The following SGCD variants were observed in gnomAD, a reference collection of about 807,000 sequenced individuals.
The protein encoded by SGCD is sarcoglycan delta.
In SGCD, 18 loss-of-function variants were observed where a neutral mutation model predicts 36.6. The observed-to-expected ratio is 0.49, with a 90% CI of 0.34 to 0.73. The LOEUF is 0.73. Among genes scored for constraint, SGCD ranks in the 30% least tolerant of loss-of-function variants. The pLI, the probability that SGCD is intolerant of heterozygous loss-of-function variation, is 0.01. For missense variants in SGCD, 387 were observed against 346.7 expected (o/e 1.12, Z -0.92); for synonymous variants, 133 against 130.6 (o/e 1.02, Z -0.12).
At chr5:156,017,830 C>T (rs1355132303) in intron 1 of SGCD, among the ~76,000 whole-genome samples, 1 of 151,818 alleles carries the variant, frequency 6.6e-6, no homozygotes, top group East Asian at 1.9e-4. Flanking sequence ...AAAAAAGAAC[C>T]ATCATCTCCT....
chr5:156,317,764 G>A (rs1454560581), intron 3 of SGCD, among the ~76,000 whole-genome samples: 1 of 152,178 alleles, frequency 6.6e-6, no homozygotes, highest in Non-Finnish European at 1.5e-5. Flanking sequence ...TTGAGCTCAA[G>A]TACTGCTGTG....
At chr5:156,620,494 G>A (rs1001081987) in intron 6 of SGCD, among the ~76,000 whole-genome samples, 2 of 152,232 alleles carry the variant, frequency 1.3e-5, no homozygotes, top group African/African-American at 4.8e-5. Flanking sequence ...ACTTGGACAT[G>A]CTGAGAGGAT....
the SGCD span, among the ~76,000 whole-genome samples, chr5:155,740,892 C>A: frequency 1.3e-5 from 2 of 152,160 alleles, no homozygotes; most frequent in African/African-American, 2.4e-5. Flanking sequence ...GACATTTATT[C>A]TGAGCCAAAT....
At chr5:156,558,749 A>G (rs532424954) in intron 4 of SGCD, among the ~76,000 whole-genome samples, 2 of 152,272 alleles carry the variant, frequency 1.3e-5, no homozygotes, top group East Asian at 1.9e-4. Context: ...AGTGAATAAG[A>G]TGATACTGTG....
intron 1 of SGCD, among the ~76,000 whole-genome samples, chr5:155,913,512 A>T (rs1259482007): frequency 6.6e-6 from 1 of 152,188 alleles, no homozygotes; most frequent in African/African-American, 2.4e-5. Context: ...CTGACCATTC[A>T]TAGCACTAAT....
chr5:155,909,001 C>G (rs1235876309), intron 1 of SGCD, among the ~76,000 whole-genome samples: 1 of 152,004 alleles, frequency 6.6e-6, no homozygotes, highest in African/African-American at 2.4e-5. Flanking sequence ...TCACTAGTGG[C>G]TTTTTCATTC....
chr5:156,677,684 T>C (rs1435039713), intron 7 of SGCD, among the ~76,000 whole-genome samples: 4 of 151,934 alleles, frequency 2.6e-5, no homozygotes, highest in South Asian at 4.2e-4. Context: ...ACTTAAAGTA[T>C]ATAGATAAAA....
intron 3 of SGCD, among the ~76,000 whole-genome samples, chr5:156,188,618 G>A (rs1012898350): frequency 6.6e-6 from 1 of 151,596 alleles, no homozygotes; most frequent in Admixed American, 6.6e-5. Context: ...ACAAAATATG[G>A]CACTTTGACA....
intron 6 of SGCD, among the ~76,000 whole-genome samples, chr5:156,600,169 CA>C (rs1761132860): frequency 6.6e-6 from 1 of 152,124 alleles, no homozygotes; most frequent in African/African-American, 2.4e-5. Flanking sequence ...TGACAACATT[CA>C]AAAACCAGTC....
intron 1 of SGCD, among the ~76,000 whole-genome samples, chr5:155,945,759 G>A (rs989653454): frequency 3.3e-5 from 5 of 152,184 alleles, no homozygotes; most frequent in Non-Finnish European, 5.9e-5. Flanking sequence ...GGCTGGAGAA[G>A]CGGCCAGGGA....
intron 4 of SGCD, among the ~76,000 whole-genome samples, chr5:156,549,001 G>A (rs1027733851): frequency 6.6e-6 from 1 of 151,860 alleles, no homozygotes; most frequent in African/African-American, 2.4e-5. Context: ...ATACTTGCCA[G>A]TTCAGACAAC....
chr5:156,589,350 C>A (rs1444136424), intron 5 of SGCD, 32 bp downstream of exon 5: 5 of 1,254,516 alleles, frequency 4.0e-6, no homozygotes, highest in Admixed American at 2.0e-5. Flanking sequence ...CAGTGCCTAG[C>A]CCATGCGAGG....
chr5:156,742,078 A>T (rs151021675), intron 7 of SGCD, among the ~76,000 whole-genome samples: 10 of 152,156 alleles, frequency 6.6e-5, no homozygotes, highest in Admixed American at 2.0e-4. Context: ...GGTTTCACCC[A>T]TGTTAGCCAA....
At position 156,421,368 on chromosome 5, in the gene SGCD, A is replaced by C. The variant is rs140318633; in HGVS notation, c.192+76691A>C. Among the ~76,000 whole-genome samples, 41 of 152,220 alleles carry C rather than the reference A, an allele frequency of 2.7e-4. 1 individual carries two copies. The East Asian group carries it at 5.2e-3, about 19-fold the overall frequency. On this transcript the variant is annotated intron_variant, in intron 3 of 8. Transcript: ENST00000337851. ...TTGACAGCGTGGATTTGCATCCTGAATCTGCAAACTCTGTGACTTTGGATA... is the reference window on the plus strand; with the variant it reads ...TTGACAGCGTGGATTTGCATCCTGACTCTGCAAACTCTGTGACTTTGGATA...
chr5:156,209,553 C>A (rs1446050607), intron 3 of SGCD, among the ~76,000 whole-genome samples: 1 of 152,244 alleles, frequency 6.6e-6, no homozygotes, highest in Non-Finnish European at 1.5e-5. Context: ...CCAGCTGACA[C>A]AGGCTCAAGG....
chr5:156,239,076 C>T (rs543001215), intron 3 of SGCD, among the ~76,000 whole-genome samples: 14 of 151,978 alleles, frequency 9.2e-5, no homozygotes, highest in South Asian at 4.2e-4. Flanking sequence ...GTCTGGGTCC[C>T]GTGGCGCATC....
At chr5:156,657,345 A>T (rs1763730576) in intron 7 of SGCD, among the ~76,000 whole-genome samples, 1 of 151,024 alleles carries the variant, frequency 6.6e-6, no homozygotes, top group Non-Finnish European at 1.5e-5. Context: ...TGCTGCACCC[A>T]TTAACTGGTC....
At chr5:156,447,265 A>G (rs1753789523) in intron 3 of SGCD, among the ~76,000 whole-genome samples, 1 of 152,244 alleles carries the variant, frequency 6.6e-6, no homozygotes, top group Non-Finnish European at 1.5e-5. Context: ...AGATAGAACC[A>G]TATAAAATTT....
Position 156,288,630 on chromosome 5 carries a change from A to C in SGCD, c.-43-40904A>C, listed in dbSNP as rs143588758. Among the ~76,000 whole-genome samples, 350 of 152,308 alleles carry C rather than the reference A, an allele frequency of 2.3e-3. 1 individual carries two copies. Among genetic ancestry groups the C allele is most frequent in the African/African-American group, 8.1e-3 (335 of 41,566 alleles). ...GTGTGTTAGTGGTTTCATGGGACTG[A>C]AGATCAGAAGAAATGCTCTTAGTTC... On this transcript the variant is annotated intron_variant, in intron 3 of 9. Transcript: ENST00000517913.
Sources: allele counts gnomAD v4.1 joint callset (sites outside exome capture counted in the v4.1 genomes callset), GRCh38; gene constraint gnomAD v4.1.1; transcripts MANE v1.5; gene names NCBI Gene and HGNC (gene_info 2026-07-23, HGNC 2026-07-21).